The following B4GALT6 variants were observed in gnomAD, a reference collection of about 807,000 sequenced individuals.
B4GALT6 encodes UDP-Gal:beta-GlcNAc beta-1,4-galactosyltransferase 6.
A neutral mutation model predicts 46.3 loss-of-function variants in B4GALT6; 14 were observed. The observed-to-expected ratio is 0.30, with a 90% CI of 0.20 to 0.47. The LOEUF (loss-of-function observed/expected upper bound fraction) is 0.47, where lower values mean the gene tolerates loss of function less well. B4GALT6 is among the 20% of genes least tolerant of loss of function. The pLI is 0.99. For synonymous variants in B4GALT6, 168 were observed against 162.0 expected (o/e 1.04, Z -0.28); for missense variants, 386 against 480.1 (o/e 0.80, Z 1.83).
At chr18:31,639,290 C>T (rs552147678) in intron 4 of B4GALT6, among the ~76,000 whole-genome samples, 22 of 152,202 alleles carry the variant, frequency 1.4e-4, no homozygotes, top group African/African-American at 3.4e-4. Flanking sequence ...ATAAGAGTAA[C>T]GTCTCGGTTT....
At chr18:31,708,335 C>T in the B4GALT6 span, among the ~76,000 whole-genome samples, 31 of 152,270 alleles carry the variant, frequency 2.0e-4, no homozygotes, top group East Asian at 4.6e-3. Context: ...GAGGCCAAGG[C>T]GGGCAGATCA....
intron 3 of B4GALT6, among the ~76,000 whole-genome samples, chr18:31,655,162 A>C (rs956437358): frequency 1.3e-5 from 2 of 152,254 alleles, no homozygotes; most frequent in African/African-American, 2.4e-5. Context: ...GGACAAGTGA[A>C]GTGCTCTGTC....
At chr18:31,694,941 C>T in the B4GALT6 span, among the ~76,000 whole-genome samples, 2 of 152,116 alleles carry the variant, frequency 1.3e-5, no homozygotes, top group Non-Finnish European at 2.9e-5. Context: ...GTGATTAATA[C>T]ATAGATATTT....
chr18:31,631,230 T>G, intron 5 of B4GALT6, 84 bp from the exon 6 acceptor site: 7 of 1,343,792 alleles, frequency 5.2e-6, no homozygotes, highest in Non-Finnish European at 6.9e-6. Flanking sequence ...TTTTTGGTAT[T>G]TTTAGTAGAG....
At chr18:31,696,625 A>G in the B4GALT6 span, among the ~76,000 whole-genome samples, 1 of 152,210 alleles carries the variant, frequency 6.6e-6, no homozygotes, top group Non-Finnish European at 1.5e-5. Flanking sequence ...TCCATATAAC[A>G]TGCCATGCCT....
intron 4 of B4GALT6, among the ~76,000 whole-genome samples, chr18:31,644,876 T>C (rs1307750283): frequency 1.3e-5 from 2 of 152,238 alleles, no homozygotes; most frequent in African/African-American, 2.4e-5. Flanking sequence ...CTTTATAATC[T>C]TGGATTCTGA....
the B4GALT6 span, among the ~76,000 whole-genome samples, chr18:31,695,773 A>G: frequency 1.3e-5 from 2 of 152,264 alleles, no homozygotes; most frequent in African/African-American, 4.8e-5. Context: ...GGTTAGAATC[A>G]TGCCACAAGG....
At chr18:31,683,971 T>C (rs1381912991) in intron 1 of B4GALT6, among the ~76,000 whole-genome samples, 2 of 152,204 alleles carry the variant, frequency 1.3e-5, no homozygotes, top group Non-Finnish European at 2.9e-5. Context: ...AGCACTCAGT[T>C]TAGGCTTAAA....
intron 1 of B4GALT6, among the ~76,000 whole-genome samples, chr18:31,668,993 G>A (rs1481863778): frequency 6.6e-6 from 1 of 151,030 alleles, no homozygotes; most frequent in East Asian, 1.9e-4. Flanking sequence ...TCTAGCCTGG[G>A]TGACAGAGTG....
At chr18:31,646,468 G>A (rs2073992019) in intron 3 of B4GALT6, among the ~76,000 whole-genome samples, 1 of 152,190 alleles carries the variant, frequency 6.6e-6, no homozygotes, top group Non-Finnish European at 1.5e-5. Context: ...TGACTTCACT[G>A]TTAGAACAGG....
chr18:31,651,599 A>G (rs929006622), intron 3 of B4GALT6, among the ~76,000 whole-genome samples: 2 of 151,836 alleles, frequency 1.3e-5, no homozygotes, highest in African/African-American at 4.8e-5. Context: ...CGAGCACCCT[A>G]CCTCTCCACC....
At chr18:31,651,742 C>A (rs1408027920) in intron 3 of B4GALT6, among the ~76,000 whole-genome samples, 1 of 152,074 alleles carries the variant, frequency 6.6e-6, no homozygotes, top group Non-Finnish European at 1.5e-5. Context: ...CCTTGTGCTT[C>A]TCCCTCATCC....
the B4GALT6 span, among the ~76,000 whole-genome samples, chr18:31,719,662 G>A: frequency 2.0e-5 from 3 of 152,172 alleles, no homozygotes; most frequent in Non-Finnish European, 4.4e-5. Flanking sequence ...TAGTCTCCCT[G>A]AGCATTCTGG....
the B4GALT6 span, among the ~76,000 whole-genome samples, chr18:31,697,035 C>T: frequency 6.6e-6 from 1 of 152,164 alleles, no homozygotes; most frequent in Non-Finnish European, 1.5e-5. Flanking sequence ...CTTAAGGAAG[C>T]TGAGGCAAGT....
the B4GALT6 span, among the ~76,000 whole-genome samples, chr18:31,716,521 G>A: frequency 1.5e-4 from 23 of 152,276 alleles, no homozygotes; most frequent in South Asian, 3.5e-3. Context: ...CTAACTCCAC[G>A]TGCTACACTG....
At chr18:31,694,417 A>G in the B4GALT6 span, among the ~76,000 whole-genome samples, 7 of 152,268 alleles carry the variant, frequency 4.6e-5, no homozygotes, top group African/African-American at 1.4e-4. Flanking sequence ...CCAGAACACA[A>G]ATGTGTCCCA....
At chr18:31,713,633 G>A in the B4GALT6 span, among the ~76,000 whole-genome samples, 1 of 152,210 alleles carries the variant, frequency 6.6e-6, no homozygotes, top group Non-Finnish European at 1.5e-5. Context: ...TCTGGGAGAG[G>A]CACCTTCTAA....
the B4GALT6 span, among the ~76,000 whole-genome samples, chr18:31,698,649 G>A: frequency 4.7e-5 from 7 of 150,050 alleles, no homozygotes; most frequent in South Asian, 1.3e-3. Flanking sequence ...AAAAAAAAAG[G>A]AAAAAACACA....
At chr18:31,688,170 A>G (rs1254631781), upstream of B4GALT6, among the ~76,000 whole-genome samples, 1 of 151,592 alleles carries the variant, frequency 6.6e-6, no homozygotes, top group Non-Finnish European at 1.5e-5. Context: ...TTGAATTTGT[A>G]TTTATATAAT....
Sources: allele counts gnomAD v4.1 joint callset (sites outside exome capture counted in the v4.1 genomes callset), GRCh38; gene constraint gnomAD v4.1.1; transcripts MANE v1.5; gene names NCBI Gene and HGNC (gene_info 2026-07-23, HGNC 2026-07-21).